Variants in PIWIL2 observed in about 807,000 individuals in gnomAD.
PIWIL2 encodes the protein piwi like RNA-mediated gene silencing 2.
A neutral mutation model predicts 116.5 loss-of-function variants in PIWIL2; 81 were observed. The observed-to-expected ratio is 0.70, with a 90% confidence interval of 0.58 to 0.84. The LOEUF (loss-of-function observed/expected upper bound fraction) is 0.84, where lower values mean the gene tolerates loss of function less well. Among genes scored for constraint, PIWIL2 ranks in the 40% least tolerant of loss-of-function variants. The pLI is 0.00. For missense variants in PIWIL2, 1,272 were observed against 1,212.3 expected, an observed-to-expected ratio of 1.05 and a Z score of -0.73; for synonymous variants, 489 against 429.5, an observed-to-expected ratio of 1.14 and a Z score of -1.71.
intron 15 of PIWIL2, 124 bp from the exon 16 acceptor site, chr8:22,310,988 G>C: frequency 1.3e-6 from 1 of 793,524 alleles, no homozygotes; most frequent in Non-Finnish European, 2.0e-6. Context: ...TAATACAGGA[G>C]TTAGATAAGA....
intron 20 of PIWIL2, among the ~76,000 whole-genome samples, chr8:22,335,877 T>A (rs572044167): frequency 3.9e-4 from 60 of 152,266 alleles, no homozygotes; most frequent in African/African-American, 1.4e-3. Context: ...AACAGACTTT[T>A]AGATAACACT....
intron 10 of PIWIL2, among the ~76,000 whole-genome samples, chr8:22,299,345 G>C (rs1054068065): frequency 4.6e-5 from 7 of 151,714 alleles, no homozygotes; most frequent in Non-Finnish European, 1.0e-4. Flanking sequence ...TGAGTAGCTG[G>C]GATTACAGGC....
chr8:22,341,200 A>G (rs1586593940), intron 20 of PIWIL2, among the ~76,000 whole-genome samples: 1 of 152,148 alleles, frequency 6.6e-6, no homozygotes, highest in African/African-American at 2.4e-5. Context: ...AACAGTCAAA[A>G]ATCAGTTAAT....
intron 6 of PIWIL2, among the ~76,000 whole-genome samples, chr8:22,285,672 C>T (rs1563350102): frequency 6.6e-6 from 1 of 151,850 alleles, no homozygotes; most frequent in South Asian, 2.1e-4. Context: ...GACAGGGTCT[C>T]AATCTGTCAC....
At chr8:22,319,836 C>T (rs566275704) in intron 20 of PIWIL2, among the ~76,000 whole-genome samples, 8 of 152,294 alleles carry the variant, frequency 5.3e-5, no homozygotes, top group Non-Finnish European at 1.0e-4. Flanking sequence ...ATCACTTCTG[C>T]TGCATTCTAA....
Position 22,279,494 on chromosome 8 carries a change from C to T in PIWIL2, c.108C>T (p.Asp36=). The T allele has an allele frequency of 6.2e-7, 1 of 1,614,144 alleles. No individual in the cohort carries two copies. The highest frequency in any genetic ancestry group is 8.5e-7 in the Non-Finnish European group (1 of 1,180,010). The change falls in exon 2 of 23, where the codon GAC becomes GAT. Residue 36 remains aspartate (D), a synonymous_variant. Coordinates refer to ENST00000356766, the MANE Select transcript of PIWIL2 (RefSeq NM_018068.5). ...GCWPQASKPL[D]PALGRGAPAG... is the part of the protein sequence containing the mutation. ...GGCCACAAGCTTCTAAACCTTTGGA[C>T]CCAGCTCTGGGCAGGGGAGCACCTG...
chr8:22,340,205 A>G (rs944901173), intron 20 of PIWIL2, among the ~76,000 whole-genome samples: 7 of 152,120 alleles, frequency 4.6e-5, no homozygotes, highest in Admixed American at 4.6e-4. Flanking sequence ...GACATGTGCC[A>G]CCATGCCTGG....
rs1171850439 is a variant in PIWIL2 at position 22,289,934 on chromosome 8, A to G, written c.1067+7A>G. The G allele has an allele frequency of 6.3e-7, 1 of 1,584,592 alleles. No individual in the cohort carries two copies. The highest frequency in any genetic ancestry group is 1.7e-4 in the Middle Eastern group (1 of 6,024). ...TGGTACTACAGCAACACAGGTTGGT[A>G]CTTTTTTCCCTTCCCTCACTTTTGA... On this transcript the variant is annotated splice_region_variant and intron_variant, in intron 9 of 22. Coordinates refer to ENST00000356766, the MANE Select transcript of PIWIL2 (RefSeq NM_018068.5).
At position 22,283,149 on chromosome 8, in the gene PIWIL2, C is replaced by A. The variant is rs750458544; in HGVS notation, c.541C>A (p.Pro181Thr). 7 of 1,614,146 alleles carry A rather than the reference C, an allele frequency of 4.3e-6. No individual in the cohort carries two copies. Among genetic ancestry groups the A allele is most frequent in the South Asian group, 1.1e-5 (1 of 91,070 alleles). The change falls in exon 5 of 23, where the codon CCC becomes ACC. Residue 181 changes from proline to threonine, a missense_variant. Pro to Thr is a conservative substitution (Grantham distance 38). Coordinates refer to ENST00000356766, the MANE Select transcript of PIWIL2 (RefSeq NM_018068.5). ...TACCTTCAGCACACCGTCCCGGGGTCCCCCGCAGCTGTCATCACCACCAGC... is the reference window on the plus strand; with the variant it reads ...TACCTTCAGCACACCGTCCCGGGGTACCCCGCAGCTGTCATCACCACCAGC... ...PCTFSTPSRG[P>T]PQLSSPPALP...
At chr8:22,288,708 C>A in intron 8 of PIWIL2, 42 bp downstream of exon 8, 1 of 1,550,836 alleles carries the variant, frequency 6.4e-7, no homozygotes, top group Non-Finnish European at 8.8e-7. Flanking sequence ...TAACTTCAGT[C>A]TTGTATTTAC....
intron 10 of PIWIL2, among the ~76,000 whole-genome samples, chr8:22,301,500 C>T (rs1801718627): frequency 6.6e-6 from 1 of 151,932 alleles, no homozygotes; most frequent in Non-Finnish European, 1.5e-5. Context: ...CACCATGTTG[C>T]CCAGGCTTGT....
At chr8:22,343,442 A>T (rs1832154870) in intron 20 of PIWIL2, among the ~76,000 whole-genome samples, 1 of 151,966 alleles carries the variant, frequency 6.6e-6, no homozygotes, top group Admixed American at 6.6e-5. Context: ...TCTCAAAAAA[A>T]AAAAAATTAG....
chr8:22,282,505 A>G (rs923036787), intron 4 of PIWIL2, among the ~76,000 whole-genome samples: 1 of 151,540 alleles, frequency 6.6e-6, no homozygotes, highest in Non-Finnish European at 1.5e-5. Flanking sequence ...TTCTTTAATA[A>G]CGTTGAGTCA....
rs138817329 is a variant in PIWIL2 at position 22,305,975 on chromosome 8, G to C, written c.1504G>C (p.Gly502Arg). 8 of 1,613,870 alleles carry C rather than the reference G, an allele frequency of 5.0e-6. No homozygotes were observed. Among genetic ancestry groups the C allele is most frequent in the Non-Finnish European group, 5.9e-6 (7 of 1,179,818 alleles). ...LLLPELSFMT[G>R]IPEKMKKDFR... ...GCTGCCTGAGCTTTCTTTTATGACC[G>C]GAATCCCAGAGAAGATGAAGAAGGA... Residue 502 changes from glycine to arginine, a missense_variant, in exon 13 of 23, where the codon GGA (glycine) becomes CGA (arginine). Physicochemically the swap from Gly to Arg is moderately radical, Grantham distance 125. Coordinates refer to ENST00000356766, the MANE Select transcript of PIWIL2 (RefSeq NM_018068.5).
Position 22,311,205 on chromosome 8 carries a change from A to G in PIWIL2, c.1894A>G (p.Ile632Val). The change falls in exon 16 of 23, where the codon ATT becomes GTT. Residue 632 changes from isoleucine (I) to valine (V), a missense_variant. Physicochemically the swap from Ile to Val is conservative, Grantham distance 29. Transcript: ENST00000356766. ...CATGTTGGAGAAGATAGCCGGCCCC[A>G]TTGGCATGCGTATGAGCCCACCGGC... ...VNMLEKIAGPIGMRMSPPAWV... is the reference protein window; with the variant it reads ...VNMLEKIAGPVGMRMSPPAWV... 2.5e-6 allele frequency: 4 copies of G among 1,614,170 alleles called. No individual in the cohort carries two copies. Among genetic ancestry groups the G allele is most frequent in the Non-Finnish European group, 3.4e-6 (4 of 1,180,024 alleles).
At chr8:22,339,377 C>T (rs181390760) in intron 20 of PIWIL2, among the ~76,000 whole-genome samples, 75 of 151,754 alleles carry the variant, frequency 4.9e-4, no homozygotes, top group Non-Finnish European at 1.9e-4. Context: ...GCGTGGTGGC[C>T]CGCGCCTGTA....
Position 22,290,232 on chromosome 8 carries a change from G to T in PIWIL2, c.1068-1G>T. 6.3e-7 allele frequency: 1 copy of T among 1,586,232 alleles called. No homozygotes were observed. The highest frequency in any genetic ancestry group is 2.3e-5 in the East Asian group (1 of 44,358). ...ACAGTTGAGACCACCTCTCTCTCCA[G>T]ATTGCAGATCTGGCCAGGCTATGCA... On this transcript the variant is annotated splice_acceptor_variant, in intron 9 of 22. Coordinates refer to ENST00000356766, the MANE Select transcript of PIWIL2 (RefSeq NM_018068.5). LOFTEE classifies it high-confidence loss of function.
intron 20 of PIWIL2, among the ~76,000 whole-genome samples, chr8:22,350,243 C>G (rs1171568313): frequency 6.6e-6 from 1 of 152,016 alleles, no homozygotes; most frequent in Non-Finnish European, 1.5e-5. Flanking sequence ...GGAGGAAACT[C>G]AAGTGCTATT....
At chr8:22,353,312 C>A in intron 21 of PIWIL2, 100 bp downstream of exon 21, 1 of 1,051,962 alleles carries the variant, frequency 9.5e-7, no homozygotes, top group Non-Finnish European at 1.4e-6. Context: ...GAGTTGTGGA[C>A]TAGAATCTCA....
Sources: gnomAD v4.1 joint callset for allele counts (sites outside exome capture counted in the v4.1 genomes callset) on GRCh38, gnomAD v4.1.1 for gene constraint, MANE v1.5 for transcripts, NCBI Gene and HGNC (gene_info 2026-07-23, HGNC 2026-07-21) for gene names.